Variants in ADCY8 observed in about 807,000 individuals in gnomAD.
The protein encoded by ADCY8 is adenylate cyclase 8, also known as adenylate cyclase type 8.
ADCY8 carries 51 observed loss-of-function variants against 119.7 expected under a neutral mutation model. The observed-to-expected ratio is 0.43, with a 90% CI of 0.34 to 0.54. ADCY8 has a LOEUF of 0.54. Ranked by LOEUF, ADCY8 falls within the 20% of genes least tolerant of loss-of-function variation. The pLI is 0.03. For synonymous variants in ADCY8, 665 were observed against 651.0 expected, an observed-to-expected ratio of 1.02 and a Z score of -0.33; for missense variants, 1,383 against 1,598.8, an observed-to-expected ratio of 0.87 and a Z score of 2.30.
At chr8:130,981,088 A>G (rs533158756) in intron 2 of ADCY8, among the ~76,000 whole-genome samples, 92 of 152,352 alleles carry the variant, frequency 6.0e-4, no homozygotes, top group African/African-American at 2.0e-3. Context: ...AATGAGTTGA[A>G]TACTACACTA....
intron 13 of ADCY8, among the ~76,000 whole-genome samples, 190 bp from the exon 14 acceptor site, chr8:130,814,417 A>T (rs899870364): frequency 2.6e-5 from 4 of 152,180 alleles, no homozygotes; most frequent in Non-Finnish European, 4.4e-5. Context: ...TTTCACAGGG[A>T]TGTGCGCCTG....
intron 9 of ADCY8, among the ~76,000 whole-genome samples, chr8:130,861,472 A>C (rs1376099878): frequency 6.6e-6 from 1 of 152,178 alleles, no homozygotes; most frequent in Non-Finnish European, 1.5e-5. Context: ...CTTTAATTTC[A>C]AATTTCAACG....
chr8:130,808,060 AAACT>A (rs1439102665), intron 14 of ADCY8, among the ~76,000 whole-genome samples: 2 of 151,684 alleles, frequency 1.3e-5, no homozygotes, highest in South Asian at 2.1e-4. Context: ...CAGCACAAAC[AAACT>A]AAGATACCAT....
At chr8:130,801,378 T>C (rs4477040) in intron 14 of ADCY8, among the ~76,000 whole-genome samples, 26,763 of 152,084 alleles carry the variant, frequency 0.18, 3,014 homozygotes, top group African/African-American at 0.32. Flanking sequence ...TTCATTTTCT[T>C]CTCTTTCACT....
rs772595688 is a variant in ADCY8, at chr8:130,909,780, C to T, written c.1568G>A (p.Arg523Lys). ...GSVLCGVLGLRKWQFDVWSWD... is the reference protein window; with the variant it reads ...GSVLCGVLGLKKWQFDVWSWD... The stretch of plus-strand genomic sequence containing the variant: ...AGACCAGACATCAAACTGCCACTTC[C>T]TTAGTCCCAAAACACCGCACAGCAC... Residue 523 changes from arginine to lysine, a missense_variant, in exon 6 of 18, where the codon AGG (arginine) becomes AAG (lysine). Physicochemically the swap from Arg to Lys is conservative, Grantham distance 26. Coordinates refer to ENST00000286355, the MANE Select transcript of ADCY8 (RefSeq NM_001115.3). 27 of 1,614,026 alleles carry T rather than the reference C, an allele frequency of 1.7e-5. No homozygotes were observed. The African/African-American group carries it at 2.4e-4, about 14-fold the overall frequency.
intron 5 of ADCY8, among the ~76,000 whole-genome samples, chr8:130,924,575 C>T (rs1820406275): frequency 2.0e-5 from 3 of 152,294 alleles, no homozygotes; most frequent in South Asian, 2.1e-4. Flanking sequence ...GTCTTATTTG[C>T]TGTCTCTAGG....
At chr8:130,911,275 G>T (rs758895663) in intron 5 of ADCY8, among the ~76,000 whole-genome samples, 2 of 152,134 alleles carry the variant, frequency 1.3e-5, no homozygotes, top group African/African-American at 2.4e-5. Flanking sequence ...TAAAACCAAA[G>T]TTATGTTATA....
intron 14 of ADCY8, among the ~76,000 whole-genome samples, chr8:130,804,655 T>C (rs398267): frequency 0.96 from 146,527 of 152,312 alleles, 70,525 homozygotes; most frequent in African/African-American, 0.99. Flanking sequence ...GATGTAAATG[T>C]CTCCATGGTA....
At chr8:130,891,006 T>G (rs1297657513) in intron 7 of ADCY8, among the ~76,000 whole-genome samples, 6 of 152,114 alleles carry the variant, frequency 3.9e-5, no homozygotes, top group Non-Finnish European at 8.8e-5. Context: ...CTGTGCAGCT[T>G]CTGTCTTTCA....
Position 131,039,651 on chromosome 8 carries a change from G to A in ADCY8, c.683C>T (p.Ala228Val). The A allele has an allele frequency of 6.2e-7, 1 of 1,614,172 alleles. No homozygotes were observed. Among genetic ancestry groups the A allele is most frequent in the Non-Finnish European group, 8.5e-7 (1 of 1,180,030 alleles). ...FFTGIEVVIC[A>V]LVVVRKDTTS... The stretch of plus-strand genomic sequence containing the variant: ...GGTGTCCTTCCTGACCACCACCAGG[G>A]CGCAGATCACTACCTCAATGCCGGT... Residue 228 changes from alanine (A) to valine (V), a missense_variant, in exon 1 of 18, where the codon GCC (alanine) becomes GTC (valine). Ala to Val is a moderately conservative substitution (Grantham distance 64, BLOSUM62 0). Coordinates refer to ENST00000286355, the MANE Select transcript of ADCY8 (RefSeq NM_001115.3).
rs1235698883 is a variant in ADCY8, at chr8:131,039,772, G to A, written c.562C>T (p.Leu188=). 6 of 1,614,180 alleles carry A rather than the reference G, an allele frequency of 3.7e-6. No homozygotes were observed. The East Asian group carries it at 1.1e-4, about 30-fold the overall frequency. The change falls in exon 1 of 18, where the codon CTG becomes TTG. Residue 188 remains leucine, a synonymous_variant. Coordinates refer to ENST00000286355, the MANE Select transcript of ADCY8 (RefSeq NM_001115.3). ...RRKSEVVMNV[L]DVLTKLTLLV... is the part of the protein sequence containing the mutation. The stretch of plus-strand genomic sequence containing the variant: ...AGAGTGAGTTTGGTCAGCACGTCCA[G>A]CACGTTCATCACCACTTCCGATTTG...
At chr8:130,858,557 C>T (rs1344572509) in intron 9 of ADCY8, among the ~76,000 whole-genome samples, 1 of 152,092 alleles carries the variant, frequency 6.6e-6, no homozygotes, top group African/African-American at 2.4e-5. Flanking sequence ...TCTTTATCCC[C>T]TGGCTGAGGT....
chr8:130,932,712 G>T (rs767990871), intron 5 of ADCY8, among the ~76,000 whole-genome samples: 3 of 152,066 alleles, frequency 2.0e-5, no homozygotes, highest in Non-Finnish European at 4.4e-5. Flanking sequence ...TTCTGTTAGA[G>T]AATAATCACA....
chr8:130,904,127 C>T, intron 6 of ADCY8, 85 bp from the exon 7 acceptor site: 6 of 1,336,716 alleles, frequency 4.5e-6, no homozygotes, highest in Non-Finnish European at 6.1e-6. Context: ...AAACCAACAC[C>T]AGGGTTACAC....
At chr8:130,796,017 G>T (rs924275426) in intron 15 of ADCY8, among the ~76,000 whole-genome samples, 3 of 152,110 alleles carry the variant, frequency 2.0e-5, no homozygotes, top group Non-Finnish European at 4.4e-5. Flanking sequence ...TAATGTTTCA[G>T]CTTAAAAATC....
At chr8:130,802,838 C>T (rs1236147982) in intron 14 of ADCY8, among the ~76,000 whole-genome samples, 1 of 152,196 alleles carries the variant, frequency 6.6e-6, no homozygotes, top group African/African-American at 2.4e-5. Flanking sequence ...GAAATTAACA[C>T]CCCTCAGAAG....
intron 15 of ADCY8, among the ~76,000 whole-genome samples, chr8:130,788,278 T>TTA (rs1298426889): frequency 6.6e-6 from 1 of 152,184 alleles, no homozygotes; most frequent in Non-Finnish European, 1.5e-5. Flanking sequence ...AAAAAATGTG[T>TTA]TATATATACA....
chr8:131,024,064 G>T (rs982863512), intron 1 of ADCY8, among the ~76,000 whole-genome samples: 1 of 152,114 alleles, frequency 6.6e-6, no homozygotes, highest in South Asian at 2.1e-4. Context: ...CTCTCATCCT[G>T]CAGTGTAGTT....
chr8:130,870,556 A>C (rs1818317456), intron 8 of ADCY8, among the ~76,000 whole-genome samples: 1 of 152,222 alleles, frequency 6.6e-6, no homozygotes, highest in East Asian at 1.9e-4. Flanking sequence ...TCAGGATTCT[A>C]AACACCCTCA....
Sources: gnomAD v4.1 joint callset for allele counts (sites outside exome capture counted in the v4.1 genomes callset) on GRCh38, gnomAD v4.1.1 for gene constraint, MANE v1.5 for transcripts, NCBI Gene and HGNC (gene_info 2026-07-23, HGNC 2026-07-21) for gene names.